The following RPS6KC1 variants were observed in gnomAD, a reference collection of about 807,000 sequenced individuals.
RPS6KC1 encodes the protein inactive ribosomal protein S6 kinase delta-1.
RPS6KC1 carries 54 observed loss-of-function variants against 103.8 expected under a neutral mutation model. The observed-to-expected ratio is 0.52, with a 90% CI of 0.42 to 0.65. The LOEUF is 0.65. RPS6KC1 is among the 30% of genes least tolerant of loss of function. The pLI is 0.00. For missense variants in RPS6KC1, 1,151 were observed against 1,253.8 expected, an observed-to-expected ratio of 0.92 and a Z score of 1.24; for synonymous variants, 439 against 438.7, an observed-to-expected ratio of 1.00 and a Z score of -0.01.
chr1:213,059,299 G>A (rs954524407), intron 1 of RPS6KC1, among the ~76,000 whole-genome samples: 2 of 152,146 alleles, frequency 1.3e-5, no homozygotes, highest in African/African-American at 2.4e-5. Flanking sequence ...AAAAGGCATA[G>A]TTTTATTTAT....
chr1:213,578,877 G>A, the RPS6KC1 span, among the ~76,000 whole-genome samples: 1 of 152,050 alleles, frequency 6.6e-6, no homozygotes, highest in Non-Finnish European at 1.5e-5. Flanking sequence ...GGGGACTTAG[G>A]AAGTCCCATG....
chr1:213,645,023 C>A, the RPS6KC1 span, among the ~76,000 whole-genome samples: 3 of 151,982 alleles, frequency 2.0e-5, no homozygotes, highest in Non-Finnish European at 2.9e-5. Context: ...TTTCTGCCAA[C>A]GAAGGTAAGA....
the RPS6KC1 span, among the ~76,000 whole-genome samples, chr1:213,770,365 G>A: frequency 6.6e-6 from 1 of 152,116 alleles, no homozygotes; most frequent in African/African-American, 2.4e-5. Context: ...ATTGTATATG[G>A]TTAGAACATT....
At chr1:213,243,286 T>A (rs59142082) in intron 12 of RPS6KC1, among the ~76,000 whole-genome samples, 67 of 950 alleles carry the variant, frequency 0.071, no homozygotes, top group East Asian at 0.33. Flanking sequence ...ATTAAAAAAA[T>A]TTTTTTTTTT....
At chr1:213,386,021 C>A in the RPS6KC1 span, among the ~76,000 whole-genome samples, 1 of 152,158 alleles carries the variant, frequency 6.6e-6, no homozygotes, top group Non-Finnish European at 1.5e-5. Context: ...GTTTGATCCT[C>A]AATGTTGGAG....
chr1:213,576,120 A>G, the RPS6KC1 span, among the ~76,000 whole-genome samples: 1 of 152,202 alleles, frequency 6.6e-6, no homozygotes, highest in African/African-American at 2.4e-5. Flanking sequence ...CTGGCTCTGC[A>G]TACCCACGAG....
the RPS6KC1 span, among the ~76,000 whole-genome samples, chr1:213,662,428 A>ATT: frequency 0.089 from 10,755 of 120,850 alleles, 783 homozygotes; most frequent in East Asian, 0.3. Flanking sequence ...CACCTGGCTA[A>ATT]TTTTTTTTTT....
At chr1:213,662,663 A>G in the RPS6KC1 span, among the ~76,000 whole-genome samples, 1 of 151,958 alleles carries the variant, frequency 6.6e-6, no homozygotes, top group Non-Finnish European at 1.5e-5. Flanking sequence ...CACCAAATAG[A>G]ATGAAACCGT....
chr1:213,602,011 C>CTTTCTTTCTTTCTTTCT, the RPS6KC1 span, among the ~76,000 whole-genome samples: 4 of 14,094 alleles, frequency 2.8e-4, 1 homozygote, highest in Admixed American at 3.1e-3. Context: ...CTTTTCTTTT[C>CTTTCTTTCTTTCTTTCT]TTTTCTTTCT....
intron 8 of RPS6KC1, among the ~76,000 whole-genome samples, chr1:213,191,340 A>G (rs1453142365): frequency 6.6e-6 from 1 of 151,988 alleles, no homozygotes; most frequent in Non-Finnish European, 1.5e-5. Flanking sequence ...TATAGTTTTC[A>G]TCGTAGAGAT....
chr1:213,346,637 C>T, the RPS6KC1 span, among the ~76,000 whole-genome samples: 1 of 151,510 alleles, frequency 6.6e-6, no homozygotes, highest in Non-Finnish European at 1.5e-5. Context: ...TTTTTTTAAC[C>T]ATATGAAGCA....
At chr1:213,175,311 C>T (rs2091794495) in intron 7 of RPS6KC1, among the ~76,000 whole-genome samples, 1 of 152,194 alleles carries the variant, frequency 6.6e-6, no homozygotes, top group East Asian at 1.9e-4. Flanking sequence ...TTGGTCTGTA[C>T]AGGAACTTCA....
At chr1:213,353,538 C>A in the RPS6KC1 span, among the ~76,000 whole-genome samples, 3 of 152,334 alleles carry the variant, frequency 2.0e-5, no homozygotes, top group Admixed American at 6.5e-5. Flanking sequence ...CTTTGTTTTC[C>A]TTCTCCAGGA....
At chr1:213,301,055 C>A in the RPS6KC1 span, among the ~76,000 whole-genome samples, 1 of 152,158 alleles carries the variant, frequency 6.6e-6, no homozygotes, top group African/African-American at 2.4e-5. Flanking sequence ...GTCAGGGGCG[C>A]CCCCTCTACA....
the RPS6KC1 span, among the ~76,000 whole-genome samples, chr1:213,701,575 G>T: frequency 6.6e-6 from 1 of 151,982 alleles, no homozygotes; most frequent in South Asian, 2.1e-4. Flanking sequence ...TTTTAATTAT[G>T]GCTTTGATCT....
chr1:213,835,815 GAA>G, the RPS6KC1 span: 2 of 152,156 alleles, frequency 1.3e-5, no homozygotes, highest in African/African-American at 4.8e-5. Flanking sequence ...GGAGGGAGAT[GAA>G]GAGTCTATGA....
At chr1:213,397,977 A>G in the RPS6KC1 span, among the ~76,000 whole-genome samples, 53 of 152,282 alleles carry the variant, frequency 3.5e-4, 1 homozygote, top group Admixed American at 1.6e-3. Flanking sequence ...CATGGTTGGA[A>G]CACAATGACA....
chr1:213,378,235 T>C, the RPS6KC1 span, among the ~76,000 whole-genome samples: 1 of 152,144 alleles, frequency 6.6e-6, no homozygotes, highest in Non-Finnish European at 1.5e-5. Flanking sequence ...AAAAATAGAG[T>C]TCTAGAATAA....
chr1:213,272,296 A>G (rs2095063981), intron 14 of RPS6KC1, among the ~76,000 whole-genome samples: 2 of 152,204 alleles, frequency 1.3e-5, no homozygotes, highest in Non-Finnish European at 2.9e-5. Context: ...ACTCAAGGCC[A>G]TGTTTCCCAT....
Sources: allele counts gnomAD v4.1 joint callset (sites outside exome capture counted in the v4.1 genomes callset), GRCh38; gene constraint gnomAD v4.1.1; transcripts MANE v1.5; gene names NCBI Gene and HGNC (gene_info 2026-07-23, HGNC 2026-07-21).